CDIN1: variants seen among roughly 807,000 people sequenced by gnomAD.
The protein encoded by CDIN1 is CDAN1-interacting nuclease 1.
CDIN1 carries 33 observed loss-of-function variants against 45.3 expected under a neutral mutation model. The ratio of observed to expected loss-of-function variants is 0.73; its 90% CI spans 0.55 to 0.97. The LOEUF (loss-of-function observed/expected upper bound fraction) is 0.97, where lower values mean the gene tolerates loss of function less well. Ranked by LOEUF, CDIN1 falls within the 50% of genes least tolerant of loss-of-function variation. The pLI is 0.00. For synonymous variants in CDIN1, 118 were observed against 124.4 expected, an observed-to-expected ratio of 0.95 and a Z score of 0.34; for missense variants, 303 against 339.4, an observed-to-expected ratio of 0.89 and a Z score of 0.84.
At chr15:36,712,610 A>G (rs1021992992) in intron 10 of CDIN1, among the ~76,000 whole-genome samples, 1 of 152,166 alleles carries the variant, frequency 6.6e-6, no homozygotes, top group Non-Finnish European at 1.5e-5. Flanking sequence ...AAATAACTAC[A>G]GAGCCACCAA....
intron 10 of CDIN1, among the ~76,000 whole-genome samples, chr15:36,777,790 T>C (rs2054257632): frequency 6.6e-6 from 1 of 152,098 alleles, no homozygotes; most frequent in South Asian, 2.1e-4. Context: ...TGTGTATTGT[T>C]TGTAGAGATG....
At chr15:36,610,232 T>G (rs1350720486) in intron 1 of CDIN1, among the ~76,000 whole-genome samples, 1 of 152,228 alleles carries the variant, frequency 6.6e-6, no homozygotes, top group African/African-American at 2.4e-5. Flanking sequence ...TGAAATGATA[T>G]TTGACTAAAG....
At chr15:36,648,426 T>C (rs540941147) in intron 3 of CDIN1, among the ~76,000 whole-genome samples, 82 of 99,980 alleles carry the variant, frequency 8.2e-4, no homozygotes, top group African/African-American at 3.1e-3. Flanking sequence ...TCCAATATTC[T>C]ATTTTTTTTT....
chr15:36,643,831 C>T (rs1357893081), intron 1 of CDIN1, among the ~76,000 whole-genome samples: 4 of 152,172 alleles, frequency 2.6e-5, no homozygotes, highest in African/African-American at 9.7e-5. Flanking sequence ...CTCCCTGAAA[C>T]TGGGATACCT....
intron 10 of CDIN1, among the ~76,000 whole-genome samples, chr15:36,796,165 G>A (rs533674269): frequency 6.6e-6 from 1 of 152,282 alleles, no homozygotes; most frequent in Admixed American, 6.5e-5. Flanking sequence ...ATTTAGTGGA[G>A]AAGAGTTCAG....
At chr15:36,608,841 A>T (rs114015001) in intron 1 of CDIN1, among the ~76,000 whole-genome samples, 2,204 of 152,194 alleles carry the variant, frequency 0.014, 48 homozygotes, top group African/African-American at 0.05. Context: ...AATCTCCTGA[A>T]TCTCCTGAAT....
chr15:36,691,683 A>C lies in CDIN1; in HGVS notation c.347-2A>C. 1 of 1,586,508 alleles carries C rather than the reference A, an allele frequency of 6.3e-7. No individual in the cohort carries two copies. Among genetic ancestry groups the C allele is most frequent in the Non-Finnish European group, 8.6e-7 (1 of 1,161,928 alleles). On this transcript the variant is annotated splice_acceptor_variant, in intron 5 of 10. Coordinates refer to ENST00000566621, the MANE Select transcript of CDIN1 (RefSeq NM_001321759.2). LOFTEE classifies it high-confidence loss of function. ...TAACAGTTCATCTCTTTTCTTCTAC[A>C]GCCTCCAAGTCTATTATAAATAGTA...
chr15:36,683,399 G>A lies in CDIN1; in HGVS notation c.347-8286G>A, dbSNP rs1206021111. On this transcript the variant is annotated intron_variant, in intron 5 of 10. Transcript: ENST00000566621. The stretch of plus-strand genomic sequence containing the variant: ...GATCAGATAGTTGTAGATATGCGGC[G>A]TTATTTCTGAGGGCTCTGTTCTGTT... Among the ~76,000 whole-genome samples the A allele has an allele frequency of 1.1e-3, 106 of 99,384 alleles. 1 individual carries two copies. The highest frequency in any genetic ancestry group is 3.8e-3 in the African/African-American group (95 of 24,992). 65.2% of individuals were successfully genotyped at this position (99,384 alleles called of 152,430 possible).
At chr15:36,580,558 C>T (rs75265334) in intron 1 of CDIN1, among the ~76,000 whole-genome samples, 5 of 152,218 alleles carry the variant, frequency 3.3e-5, no homozygotes, top group Admixed American at 6.5e-5. Context: ...GTTATGCATA[C>T]ACACATTCCG....
chr15:36,596,037 T>G (rs1439955528), intron 1 of CDIN1, among the ~76,000 whole-genome samples: 2 of 152,120 alleles, frequency 1.3e-5, no homozygotes, highest in African/African-American at 2.4e-5. Flanking sequence ...TCAAGTATTC[T>G]AAAGAATGAA....
At chr15:36,788,940 C>CCTA (rs1392526323) in intron 10 of CDIN1, among the ~76,000 whole-genome samples, 1 of 152,104 alleles carries the variant, frequency 6.6e-6, no homozygotes, top group East Asian at 1.9e-4. Context: ...ACTTCATCCT[C>CCTA]CTAAATAACA....
chr15:36,745,654 AAC>A (rs2044394355), intron 10 of CDIN1, among the ~76,000 whole-genome samples: 1 of 152,180 alleles, frequency 6.6e-6, no homozygotes, highest in Non-Finnish European at 1.5e-5. Flanking sequence ...ATATCAGTTA[AAC>A]TAACTCATTT....
At chr15:36,604,676 A>G (rs891465754) in intron 1 of CDIN1, among the ~76,000 whole-genome samples, 4 of 152,342 alleles carry the variant, frequency 2.6e-5, no homozygotes, top group South Asian at 2.1e-4. Context: ...CTCCTTTAAA[A>G]AAAGCTTTTT....
intron 5 of CDIN1, among the ~76,000 whole-genome samples, chr15:36,662,000 G>A (rs745857038): frequency 3.9e-5 from 6 of 152,112 alleles, no homozygotes; most frequent in Non-Finnish European, 7.4e-5. Flanking sequence ...TAATAAAATT[G>A]TAAATCGACC....
chr15:36,605,916 A>T (rs1373064517), intron 1 of CDIN1, among the ~76,000 whole-genome samples: 1 of 152,184 alleles, frequency 6.6e-6, no homozygotes. Flanking sequence ...TTAACATATG[A>T]CAGATGCACT....
intron 10 of CDIN1, among the ~76,000 whole-genome samples, chr15:36,792,470 C>A (rs181481211): frequency 5.3e-4 from 81 of 152,128 alleles, no homozygotes; most frequent in Non-Finnish European, 6.6e-4. Flanking sequence ...TCGGGGGAAC[C>A]CTGTGGAGCT....
chr15:36,580,012 C>T, intron 1 of CDIN1, 51 bp downstream of exon 1: 5 of 1,523,212 alleles, frequency 3.3e-6, no homozygotes, highest in South Asian at 1.2e-5. Flanking sequence ...AGCAGCAGTG[C>T]CTGGGCCGCC....
intron 10 of CDIN1, among the ~76,000 whole-genome samples, chr15:36,770,518 C>T (rs759869494): frequency 7.4e-4 from 112 of 152,034 alleles, no homozygotes; most frequent in South Asian, 1.2e-3. Flanking sequence ...GCACAATCTC[C>T]ACTCACTGCA....
At chr15:36,623,278 T>C (rs1227777023) in intron 1 of CDIN1, among the ~76,000 whole-genome samples, 2 of 152,232 alleles carry the variant, frequency 1.3e-5, no homozygotes, top group Non-Finnish European at 2.9e-5. Flanking sequence ...AGAAATCACC[T>C]ATAAACCCAA....
Sources: gnomAD v4.1 joint callset for allele counts (sites outside exome capture counted in the v4.1 genomes callset) on GRCh38, gnomAD v4.1.1 for gene constraint, MANE v1.5 for transcripts, NCBI Gene and HGNC (gene_info 2026-07-23, HGNC 2026-07-21) for gene names.